Variants in CELF5 observed in about 807,000 individuals in gnomAD.
CELF5 encodes the protein CUGBP Elav-like family member 5.
Under a neutral mutation model 54.9 loss-of-function variants are expected in CELF5, and 6 were observed. The observed-to-expected ratio is 0.11, with a 90% CI of 0.06 to 0.22. The LOEUF (loss-of-function observed/expected upper bound fraction) is 0.22. CELF5 is among the 10% of genes least tolerant of loss of function. CELF5 has a pLI of 1.00. For synonymous variants in CELF5, 271 were observed against 290.9 expected (o/e 0.93, Z 0.70); for missense variants, 401 against 678.6 (o/e 0.59, Z 4.54).
chr19:3,248,359 C>G (rs1217991303), intron 1 of CELF5, among the ~76,000 whole-genome samples: 1 of 152,016 alleles, frequency 6.6e-6, no homozygotes, highest in African/African-American at 2.4e-5. Context: ...AAACTGTATC[C>G]CTGTGAAACA....
intron 1 of CELF5, among the ~76,000 whole-genome samples, chr19:3,231,792 G>C (rs1917277339): frequency 6.7e-6 from 1 of 149,500 alleles, no homozygotes; most frequent in Non-Finnish European, 1.5e-5. Flanking sequence ...ATGAGTGCAT[G>C]GATGGATGGA....
At chr19:3,226,207 A>G (rs1916898449) in intron 1 of CELF5, among the ~76,000 whole-genome samples, 1 of 152,038 alleles carries the variant, frequency 6.6e-6, no homozygotes, top group Admixed American at 6.5e-5. Flanking sequence ...TTTTACACCC[A>G]CTTTTTCCCC....
chr19:3,226,296 TGAATGAAG>T (rs1450454858), intron 1 of CELF5, among the ~76,000 whole-genome samples: 3 of 151,952 alleles, frequency 2.0e-5, no homozygotes, highest in African/African-American at 7.3e-5. Context: ...AATGAATGAA[TGAATGAAG>T]GGGTTCAAGA....
At chr19:3,273,763 G>A (rs1317773104) in intron 2 of CELF5, 109 bp from the exon 3 acceptor site, 1 of 747,978 alleles carries the variant, frequency 1.3e-6, no homozygotes. Flanking sequence ...GGTGCTGAGG[G>A]CTGGTGGTGG....
chr19:3,265,963 C>G (rs375686261), intron 2 of CELF5, among the ~76,000 whole-genome samples: 1 of 152,150 alleles, frequency 6.6e-6, no homozygotes, highest in African/African-American at 2.4e-5. Context: ...CCCACCACCA[C>G]GCCCAGCCAA....
At chr19:3,234,437 G>A (rs983839937) in intron 1 of CELF5, among the ~76,000 whole-genome samples, 2 of 152,158 alleles carry the variant, frequency 1.3e-5, no homozygotes, top group African/African-American at 4.8e-5. Context: ...TAGGACACTT[G>A]GCAATGTCTG....
intron 2 of CELF5, among the ~76,000 whole-genome samples, chr19:3,271,873 A>T (rs1156729764): frequency 6.6e-6 from 1 of 152,108 alleles, no homozygotes; most frequent in Non-Finnish European, 1.5e-5. Context: ...GGGGTCCCAA[A>T]ATGGGGAGGA....
rs1199164561 is a variant in CELF5 at position 3,278,508 on chromosome 19, ATATG to A, written c.603+403_603+406del. Among the ~76,000 whole-genome samples the A allele has an allele frequency of 6.6e-6, 1 of 151,812 alleles. No homozygotes were observed. Among genetic ancestry groups the A allele is most frequent in the African/African-American group, 2.4e-5 (1 of 41,280 alleles). ...CTGTGTGCACGAGGGGTGTGCGTAAATATGTATGGATAAGTGTGCCATTGTGTGC... is the reference window on the plus strand; with the variant it reads ...CTGTGTGCACGAGGGGTGTGCGTAAATATGGATAAGTGTGCCATTGTGTGC... On this transcript the variant is annotated intron_variant, in intron 5 of 12. Coordinates refer to ENST00000292672, the MANE Select transcript of CELF5 (RefSeq NM_021938.4). This position sits in a 1 kb window ranked among gnomAD's most constrained non-coding sequence, Gnocchi z 4.5.
At chr19:3,253,453 C>T (rs1051690063) in intron 2 of CELF5, among the ~76,000 whole-genome samples, 3 of 152,150 alleles carry the variant, frequency 2.0e-5, no homozygotes, top group Admixed American at 1.3e-4. Context: ...TTTCTCACCA[C>T]GTGGGCTTCT....
intron 2 of CELF5, among the ~76,000 whole-genome samples, chr19:3,255,916 T>C (rs1300921502): frequency 1.3e-5 from 2 of 151,808 alleles, no homozygotes; most frequent in Non-Finnish European, 2.9e-5. Flanking sequence ...AGTACAAAAA[T>C]TAGCTGGGCG....
chr19:3,244,896 A>G (rs1268852223), intron 1 of CELF5, among the ~76,000 whole-genome samples: 20 of 106,514 alleles, frequency 1.9e-4, no homozygotes, highest in Admixed American at 5.1e-4. Context: ...GTCTGCATAT[A>G]TGTGTGTGTG....
Position 3,278,082 on chromosome 19 carries a change from A to T in CELF5, c.575A>T (p.His192Leu). 1 of 1,596,620 alleles carries T rather than the reference A, an allele frequency of 6.3e-7. No homozygotes were observed. The highest frequency in any genetic ancestry group is 8.5e-7 in the Non-Finnish European group (1 of 1,171,308). ...SSHTEAQAAI[H>L]ALHGSQTMPG... ...CACACGGAGGCGCAGGCGGCCATCC[A>T]CGCCTTGCATGGGAGCCAGACCATG... Residue 192 changes from histidine to leucine, a missense_variant, in exon 5 of 13, where the codon CAC (histidine) becomes CTC (leucine). His to Leu is a moderately conservative substitution (Grantham distance 99, BLOSUM62 -3). Transcript: ENST00000292672. The surrounding 1 kb of genome is among the most constrained non-coding windows in gnomAD (Gnocchi z 4.5).
chr19:3,224,705 G>GCCGCCCT lies in CELF5; in HGVS notation c.-30_-29insCTCCGCC, dbSNP rs1359586589. The GCCGCCCT allele has an allele frequency of 5.2e-6, 5 of 970,226 alleles. No homozygotes were observed. The African/African-American group carries it at 8.9e-5, about 17-fold the overall frequency. The allele number at this position is 970,226 out of a possible 1,614,324, so 60.1% of individuals were successfully genotyped here. A position where few individuals can be genotyped will look rare whatever the true frequency, so the allele number is the denominator to read the frequency against. ...CCAGCTGCGAGTCCGCCCGCCGCCC[G>GCCGCCCT]CCGCCGCCGCCGCCGGCTCGGTCCC... is the stretch of plus-strand genomic sequence containing the variant. On this transcript the variant is annotated 5_prime_UTR_variant, in exon 1 of 13. Transcript: ENST00000292672.
At chr19:3,272,537 T>G (rs567132151) in intron 2 of CELF5, among the ~76,000 whole-genome samples, 2 of 152,206 alleles carry the variant, frequency 1.3e-5, no homozygotes, top group Admixed American at 1.3e-4. Context: ...GAAAAAGGTC[T>G]GAGAGTAGCA....
chr19:3,268,801 T>C lies in CELF5; in HGVS notation c.343-5071T>C, dbSNP rs117071485. ...GCCTGGGCAAGACAATGGAAGCAGATGGAGAGAGAGCACGGAAGACTTCAG... is the reference window on the plus strand; with the variant it reads ...GCCTGGGCAAGACAATGGAAGCAGACGGAGAGAGAGCACGGAAGACTTCAG... On this transcript the variant is annotated intron_variant, in intron 2 of 12. Transcript: ENST00000292672. The surrounding 1 kb of genome is among the most constrained non-coding windows in gnomAD (Gnocchi z 4.4). Among the ~76,000 whole-genome samples, 1,639 of 149,492 alleles carry C rather than the reference T, an allele frequency of 0.011. 7 individuals are homozygous for C. Among genetic ancestry groups the C allele is most frequent in the Non-Finnish European group, 0.015 (1,015 of 67,584 alleles).
At chr19:3,245,750 C>A (rs149947147) in intron 1 of CELF5, among the ~76,000 whole-genome samples, 1 of 152,136 alleles carries the variant, frequency 6.6e-6, no homozygotes, top group East Asian at 1.9e-4. Context: ...AAGAATAGAC[C>A]ATCACATACA....
intron 2 of CELF5, among the ~76,000 whole-genome samples, chr19:3,269,468 G>A (rs1184569364): frequency 1.3e-5 from 2 of 152,066 alleles, no homozygotes; most frequent in South Asian, 2.1e-4. Flanking sequence ...GTGAGCCACC[G>A]CGCCCGGCCC....
intron 4 of CELF5, among the ~76,000 whole-genome samples, 169 bp downstream of exon 4, chr19:3,276,153 G>T (rs941747733): frequency 7.1e-5 from 10 of 141,736 alleles, no homozygotes; most frequent in Admixed American, 2.8e-4. Flanking sequence ...GAGGCTGCAG[G>T]GGCGGGGCCT....
At chr19:3,267,343 T>C (rs2079897914) in intron 2 of CELF5, among the ~76,000 whole-genome samples, 1 of 152,188 alleles carries the variant, frequency 6.6e-6, no homozygotes, top group African/African-American at 2.4e-5. Flanking sequence ...GGGACGTAGT[T>C]TAATCAACTC....
Sources: allele counts gnomAD v4.1 joint callset (sites outside exome capture counted in the v4.1 genomes callset), GRCh38; gene constraint gnomAD v4.1.1; non-coding constraint Gnocchi (gnomAD v3.1); transcripts MANE v1.5; gene names NCBI Gene and HGNC (gene_info 2026-07-23, HGNC 2026-07-21).